Variants in PDE10A observed in about 807,000 individuals in gnomAD.
The protein encoded by PDE10A is phosphodiesterase 10A.
PDE10A carries 39 observed loss-of-function variants against 97.7 expected under a neutral mutation model. That is an observed-to-expected ratio of 0.40 (90% CI 0.31 to 0.52). The LOEUF (loss-of-function observed/expected upper bound fraction) is 0.52, where lower values mean the gene tolerates loss of function less well. PDE10A is among the 20% of genes least tolerant of loss of function. The pLI is 0.56. For missense variants in PDE10A, 731 were observed against 1,047.8 expected (o/e 0.70, Z 4.17); for synonymous variants, 371 against 376.8 (o/e 0.98, Z 0.18).
chr6:165,456,513 A>G (rs1345785440), intron 3 of PDE10A, among the ~76,000 whole-genome samples: 1 of 152,174 alleles, frequency 6.6e-6, no homozygotes, highest in Non-Finnish European at 1.5e-5. Flanking sequence ...GAGATCAATA[A>G]CCAGCTGTTC....
intron 1 of PDE10A, among the ~76,000 whole-genome samples, chr6:165,917,747 C>T (rs896708849): frequency 3.9e-5 from 6 of 152,218 alleles, no homozygotes; most frequent in Non-Finnish European, 7.4e-5. Flanking sequence ...CCAGGCTTTC[C>T]CCAACGCCCC....
At chr6:165,465,122 T>C (rs1174444449) in intron 3 of PDE10A, among the ~76,000 whole-genome samples, 2 of 152,220 alleles carry the variant, frequency 1.3e-5, no homozygotes, top group South Asian at 2.1e-4. Flanking sequence ...AATTGAGTTA[T>C]CAAAATGATT....
At chr6:165,410,049 G>C (rs1013676946) in intron 13 of PDE10A, among the ~76,000 whole-genome samples, 2 of 152,004 alleles carry the variant, frequency 1.3e-5, no homozygotes, top group Admixed American at 1.3e-4. Flanking sequence ...ATGGACAAAT[G>C]AATAAATTTT....
chr6:165,713,207 C>T (rs1356989399), intron 1 of PDE10A, among the ~76,000 whole-genome samples: 1 of 152,330 alleles, frequency 6.6e-6, no homozygotes, highest in East Asian at 1.9e-4. Flanking sequence ...CCGTGGGGTT[C>T]AGACTCTGGG....
chr6:165,872,230 T>C (rs1045988617), intron 1 of PDE10A, among the ~76,000 whole-genome samples: 1 of 152,228 alleles, frequency 6.6e-6, no homozygotes, highest in African/African-American at 2.4e-5. Flanking sequence ...AGAAAGATTC[T>C]ACATCCCACG....
intron 18 of PDE10A, among the ~76,000 whole-genome samples, chr6:165,362,310 A>C (rs548623094): frequency 6.6e-6 from 1 of 152,196 alleles, no homozygotes; most frequent in African/African-American, 2.4e-5. Flanking sequence ...CCAAGAAAAG[A>C]CAGAGAGGGA....
chr6:165,489,289 C>G (rs142702409), intron 2 of PDE10A, among the ~76,000 whole-genome samples: 385 of 152,222 alleles, frequency 2.5e-3, no homozygotes, highest in Non-Finnish European at 4.9e-3. Flanking sequence ...GCAGACACTC[C>G]CCAGAGACAA....
At chr6:165,601,018 T>C (rs1231975600) in intron 1 of PDE10A, among the ~76,000 whole-genome samples, 1 of 152,202 alleles carries the variant, frequency 6.6e-6, no homozygotes, top group Admixed American at 6.5e-5. Flanking sequence ...TCAACTTGAA[T>C]TGTATCTCCC....
intron 1 of PDE10A, among the ~76,000 whole-genome samples, chr6:165,619,210 CAGTGTAGACTAGTGT>C (rs1328442864): frequency 4.6e-5 from 3 of 64,686 alleles, no homozygotes; most frequent in South Asian, 4.4e-4. Flanking sequence ...TAATGTAGTG[CAGTGTAGACTAGTGT>C]AGTGTAGACT....
chr6:165,549,209 T>C (rs1783888322), intron 1 of PDE10A, among the ~76,000 whole-genome samples: 1 of 152,262 alleles, frequency 6.6e-6, no homozygotes, highest in Admixed American at 6.5e-5. Flanking sequence ...TTCAGGAAAA[T>C]GGAACTAGAT....
At chr6:165,605,391 C>T (rs893541340) in intron 1 of PDE10A, among the ~76,000 whole-genome samples, 2 of 152,218 alleles carry the variant, frequency 1.3e-5, no homozygotes, top group African/African-American at 2.4e-5. Context: ...GCACTTCTCC[C>T]ACCATTTCTC....
chr6:165,453,953 CA>C (rs34315298), intron 3 of PDE10A, among the ~76,000 whole-genome samples: 49,476 of 152,048 alleles, frequency 0.33, 8,714 homozygotes, highest in African/African-American at 0.46. Context: ...CTGGCCCCAG[CA>C]AAAATCATAA....
intron 1 of PDE10A, among the ~76,000 whole-genome samples, chr6:165,598,149 A>G (rs720701): frequency 0.45 from 68,653 of 152,112 alleles, 17,800 homozygotes; most frequent in African/African-American, 0.72. Context: ...TCAGTTTGCC[A>G]ATTAGGTTTT....
At position 165,354,182 on chromosome 6, in the gene PDE10A, T is replaced by C. The variant is rs187363806; in HGVS notation, c.2784-10680A>G. On this transcript the variant is annotated intron_variant, in intron 18 of 21. Coordinates refer to ENST00000539869, the MANE Select transcript of PDE10A (RefSeq NM_001385079.1). ...TAGTAAAGGCATGATGCCACATTGA[T>C]AAGGAAAGGTAAATTGTATAGTGAA... Among the ~76,000 whole-genome samples the C allele has an allele frequency of 1.6e-3, 240 of 152,280 alleles. 1 individual carries two copies. Among genetic ancestry groups the C allele is most frequent in the African/African-American group, 5.4e-3 (224 of 41,566 alleles).
In PDE10A at chr6:165,336,078, T is replaced by C. The variant is rs764780388; in HGVS notation, c.3065+45A>G. On this transcript the variant is annotated intron_variant, in intron 21 of 21. Transcript: ENST00000539869. ...TACAAAAATCCTATACAGATCTCAG[T>C]GTTGTTGGAAACAATATTTTTACGG... 3 of 1,361,250 alleles carry C rather than the reference T, an allele frequency of 2.2e-6. No individual in the cohort carries two copies. The South Asian group carries it at 3.5e-5, about 16-fold the overall frequency. The allele number at this position is 1,361,250 out of a possible 1,614,324, so 84.3% of individuals were successfully genotyped here.
intron 1 of PDE10A, among the ~76,000 whole-genome samples, chr6:165,614,040 C>G (rs1160195490): frequency 6.6e-6 from 1 of 152,186 alleles, no homozygotes; most frequent in Non-Finnish European, 1.5e-5. Context: ...CGTGTGCAAC[C>G]ATTAAGCACC....
At chr6:165,973,641 A>C (rs705804) in intron 1 of PDE10A, among the ~76,000 whole-genome samples, 119,445 of 152,038 alleles carry the variant, frequency 0.79, 47,219 homozygotes, top group East Asian at 0.95. Flanking sequence ...TGATCGCTGA[A>C]GAGGCCCCAG....
At chr6:165,901,216 C>A (rs1309827367) in intron 1 of PDE10A, among the ~76,000 whole-genome samples, 2 of 152,210 alleles carry the variant, frequency 1.3e-5, no homozygotes, top group Non-Finnish European at 2.9e-5. Context: ...CGATGCCCAG[C>A]AGGAACTCTG....
chr6:165,984,996 G>C (rs1785141672), intron 1 of PDE10A, among the ~76,000 whole-genome samples: 1 of 152,178 alleles, frequency 6.6e-6, no homozygotes, highest in Non-Finnish European at 1.5e-5. Flanking sequence ...GACGTCAAAG[G>C]AGAAGAGCCA....
Sources: allele counts gnomAD v4.1 joint callset (sites outside exome capture counted in the v4.1 genomes callset), GRCh38; gene constraint gnomAD v4.1.1; transcripts MANE v1.5; gene names NCBI Gene and HGNC (gene_info 2026-07-23, HGNC 2026-07-21).